PBX3: variants seen among roughly 807,000 people sequenced by gnomAD.
PBX3 encodes the protein pre-B-cell leukemia transcription factor 3.
PBX3 carries 14 observed loss-of-function variants against 48.5 expected under a neutral mutation model. The observed-to-expected ratio is 0.29, with a 90% CI of 0.19 to 0.45. The LOEUF is 0.45. Among genes scored for constraint, PBX3 ranks in the 20% least tolerant of loss-of-function variants. The pLI is 1.00. For missense variants in PBX3, 386 were observed against 546.7 expected (o/e 0.71, Z 2.93); for synonymous variants, 210 against 200.3 (o/e 1.05, Z -0.41).
intron 5 of PBX3, among the ~76,000 whole-genome samples, chr9:125,937,678 A>G (rs892165475): frequency 6.6e-6 from 1 of 152,192 alleles, no homozygotes; most frequent in African/African-American, 2.4e-5. Context: ...TTTCTTTTTT[A>G]AAGACAGGGT....
chr9:125,811,179 A>G (rs1838279423), intron 2 of PBX3, among the ~76,000 whole-genome samples: 1 of 152,204 alleles, frequency 6.6e-6, no homozygotes, highest in Non-Finnish European at 1.5e-5. Context: ...CCTGTAAAAT[A>G]TGTATGTTTT....
rs148033786 is a variant in PBX3 at position 125,944,684 on chromosome 9, T to C, written c.843+9077T>C. On this transcript the variant is annotated intron_variant, in intron 5 of 8. Transcript: ENST00000373489. The stretch of plus-strand genomic sequence containing the variant: ...TAAGACTTTGGGAGAAAGGATATTC[T>C]AAGCAGAGGAAACTCAGAAGCAAAA... Among the ~76,000 whole-genome samples the C allele has an allele frequency of 7.0e-3, 1,066 of 152,178 alleles. 11 individuals carry two copies. The highest frequency in any genetic ancestry group is 0.025 in the African/African-American group (1,026 of 41,490).
intron 2 of PBX3, among the ~76,000 whole-genome samples, chr9:125,764,554 A>G (rs559295994): frequency 6.6e-6 from 1 of 152,356 alleles, no homozygotes; most frequent in East Asian, 1.9e-4. Flanking sequence ...GCACAAAGCA[A>G]GAATAAAGAG....
intron 2 of PBX3, among the ~76,000 whole-genome samples, chr9:125,892,078 C>T (rs1263457192): frequency 6.6e-6 from 1 of 152,058 alleles, no homozygotes; most frequent in Non-Finnish European, 1.5e-5. Flanking sequence ...TACCACCATG[C>T]CCGGCTAATT....
At chr9:125,788,437 C>G (rs1258505949) in intron 2 of PBX3, among the ~76,000 whole-genome samples, 8 of 152,166 alleles carry the variant, frequency 5.3e-5, no homozygotes, top group Admixed American at 5.2e-4. Context: ...AGAACTTCTA[C>G]TTACATTTAT....
At chr9:125,902,938 T>C (rs1433923966) in intron 2 of PBX3, among the ~76,000 whole-genome samples, 1 of 151,764 alleles carries the variant, frequency 6.6e-6, no homozygotes, top group East Asian at 1.9e-4. Flanking sequence ...TTATTATTCT[T>C]TTTCTTTCTG....
chr9:125,781,012 C>T (rs1225765711), intron 2 of PBX3, among the ~76,000 whole-genome samples: 5 of 100,008 alleles, frequency 5.0e-5, no homozygotes, highest in Admixed American at 1.1e-4. Context: ...GGCGGCCGGG[C>T]AGAGACGCTC....
intron 2 of PBX3, among the ~76,000 whole-genome samples, chr9:125,816,371 C>T (rs568655883): frequency 1.6e-4 from 24 of 152,294 alleles, no homozygotes; most frequent in African/African-American, 5.8e-4. Flanking sequence ...GGAAATTAAA[C>T]ATACATACTC....
chr9:125,754,563 TAAAC>T, intron 2 of PBX3, among the ~76,000 whole-genome samples: 1 of 150,222 alleles, frequency 6.7e-6, no homozygotes, highest in East Asian at 2.0e-4. Flanking sequence ...ACTGAAAAAA[TAAAC>T]CACCTTTTTA....
At chr9:125,859,291 A>T (rs1839802119) in intron 2 of PBX3, among the ~76,000 whole-genome samples, 1 of 152,098 alleles carries the variant, frequency 6.6e-6, no homozygotes, top group South Asian at 2.1e-4. Context: ...AGCATTTATC[A>T]TAACTTGTTT....
intron 2 of PBX3, among the ~76,000 whole-genome samples, chr9:125,819,525 C>CA (rs35089019): frequency 1.9e-4 from 28 of 149,316 alleles, no homozygotes; most frequent in Middle Eastern, 3.4e-3. Context: ...AACTCCATCT[C>CA]AAAAAAAAGA....
intron 2 of PBX3, among the ~76,000 whole-genome samples, chr9:125,910,937 T>C (rs1394942306): frequency 2.6e-5 from 4 of 152,074 alleles, no homozygotes; most frequent in Non-Finnish European, 2.9e-5. Flanking sequence ...GAAGTGTTGA[T>C]ATCATTCTGT....
At chr9:125,909,770 C>A (rs935313882) in intron 2 of PBX3, among the ~76,000 whole-genome samples, 1 of 152,104 alleles carries the variant, frequency 6.6e-6, no homozygotes, top group Non-Finnish European at 1.5e-5. Flanking sequence ...ATCTGTGGGA[C>A]TGCAAGAAAA....
At chr9:125,899,326 T>A (rs1010755388) in intron 2 of PBX3, among the ~76,000 whole-genome samples, 31 of 108,056 alleles carry the variant, frequency 2.9e-4, no homozygotes, top group South Asian at 2.5e-3. Flanking sequence ...TATTTTTATA[T>A]AAATATATAC....
At chr9:125,859,385 A>G (rs1006658111) in intron 2 of PBX3, among the ~76,000 whole-genome samples, 3 of 152,202 alleles carry the variant, frequency 2.0e-5, no homozygotes, top group African/African-American at 7.2e-5. Flanking sequence ...GAAGGCAATG[A>G]AGAACATTGC....
At chr9:125,882,058 A>G (rs1001027477) in intron 2 of PBX3, among the ~76,000 whole-genome samples, 1 of 151,512 alleles carries the variant, frequency 6.6e-6, no homozygotes, top group African/African-American at 2.4e-5. Context: ...AATAAATAAT[A>G]AAATAAAAAT....
intron 2 of PBX3, among the ~76,000 whole-genome samples, chr9:125,834,693 C>T (rs930042039): frequency 1.7e-4 from 25 of 150,954 alleles, no homozygotes; most frequent in African/African-American, 5.8e-4. Context: ...CCACCTCACC[C>T]GACCAATTAT....
In PBX3 at chr9:125,759,527, CTG is replaced by C. The variant is rs1836608594; in HGVS notation, c.274+10906_274+10907del. On this transcript the variant is annotated intron_variant, in intron 2 of 8. Coordinates refer to ENST00000373489, the MANE Select transcript of PBX3 (RefSeq NM_006195.6). This position sits in a 1 kb window ranked among gnomAD's most constrained non-coding sequence, Gnocchi z 4.2. ...GAAGTTGTCAATGAAAGAAAAAGAACTGTAATCGCACATTTACATATGCTTCT... is the reference window on the plus strand; with the variant it reads ...GAAGTTGTCAATGAAAGAAAAAGAACTAATCGCACATTTACATATGCTTCT... 6.6e-6 allele frequency among the ~76,000 whole-genome samples: 1 copy of C among 152,212 alleles called. No individual in the cohort carries two copies. The highest frequency in any genetic ancestry group is 1.5e-5 in the Non-Finnish European group (1 of 68,038).
At chr9:125,824,709 CTT>C (rs747826192) in intron 2 of PBX3, among the ~76,000 whole-genome samples, 4 of 139,860 alleles carry the variant, frequency 2.9e-5, no homozygotes, top group African/African-American at 5.2e-5. Flanking sequence ...AATCAGTTGG[CTT>C]TTTTTTTTTT....
Sources: allele counts gnomAD v4.1 joint callset (sites outside exome capture counted in the v4.1 genomes callset), GRCh38; gene constraint gnomAD v4.1.1; non-coding constraint Gnocchi (gnomAD v3.1); transcripts MANE v1.5; gene names NCBI Gene and HGNC (gene_info 2026-07-23, HGNC 2026-07-21).